ODAD2: variants seen among roughly 807,000 people sequenced by gnomAD.
ODAD2 encodes the protein outer dynein arm docking complex subunit 2.
In ODAD2, 89 loss-of-function variants were observed where a neutral mutation model predicts 106.8. The ratio of observed to expected loss-of-function variants is 0.83; its 90% CI spans 0.70 to 0.99. The LOEUF is 0.99. Among genes scored for constraint, ODAD2 ranks in the 50% least tolerant of loss-of-function variants. The pLI is 0.00. For missense variants in ODAD2, 1,168 were observed against 1,238.5 expected, an observed-to-expected ratio of 0.94 and a Z score of 0.85; for synonymous variants, 404 against 436.2, an observed-to-expected ratio of 0.93 and a Z score of 0.92.
At position 27,997,052 on chromosome 10, in the gene ODAD2, T is replaced by C. The variant is rs145516767; in HGVS notation, c.-38-1872A>G. Among the ~76,000 whole-genome samples, 322 of 152,324 alleles carry C rather than the reference T, an allele frequency of 2.1e-3. 2 individuals are homozygous for C. Among genetic ancestry groups the C allele is most frequent in the African/African-American group, 7.4e-3 (309 of 41,584 alleles). ...AAGCAGCCTTACAACATATATGCTA[T>C]AAAAACCAAGTACTGGATCAGATAG... On this transcript the variant is annotated intron_variant, in intron 1 of 19. Transcript: ENST00000305242.
At chr10:27,823,541 C>T (rs1259869383) in intron 19 of ODAD2, among the ~76,000 whole-genome samples, 2 of 152,044 alleles carry the variant, frequency 1.3e-5, no homozygotes, top group Non-Finnish European at 2.9e-5. Flanking sequence ...TAGTACTTTC[C>T]TAATAAGATA....
At chr10:27,816,992 C>T (rs1405897512) in intron 19 of ODAD2, among the ~76,000 whole-genome samples, 2 of 152,140 alleles carry the variant, frequency 1.3e-5, no homozygotes, top group Non-Finnish European at 2.9e-5. Flanking sequence ...TCAGGTGATC[C>T]ACCCGTCTCG....
At chr10:27,859,773 T>G (rs537638046) in intron 19 of ODAD2, among the ~76,000 whole-genome samples, 1 of 152,346 alleles carries the variant, frequency 6.6e-6, no homozygotes, top group East Asian at 1.9e-4. Flanking sequence ...CTAGTTGGTT[T>G]GCAATGTGTA....
At chr10:27,921,435 A>G (rs1844770351) in intron 16 of ODAD2, among the ~76,000 whole-genome samples, 1 of 152,074 alleles carries the variant, frequency 6.6e-6, no homozygotes, top group South Asian at 2.1e-4. Flanking sequence ...GACTTTTAGT[A>G]TGTTTTGAAT....
At chr10:27,995,243 T>A in intron 1 of ODAD2, 63 bp from the exon 2 acceptor site, 1 of 1,483,158 alleles carries the variant, frequency 6.7e-7, no homozygotes, top group Non-Finnish European at 9.0e-7. Flanking sequence ...ACATTTTTCA[T>A]TCTCAAGACT....
intron 19 of ODAD2, among the ~76,000 whole-genome samples, chr10:27,857,161 C>T (rs915284890): frequency 1.3e-5 from 2 of 152,108 alleles, no homozygotes; most frequent in Non-Finnish European, 2.9e-5. Context: ...TCAACTTCTT[C>T]CTCCTCCTCT....
chr10:27,876,618 C>T (rs955440524), intron 17 of ODAD2, among the ~76,000 whole-genome samples: 2 of 152,210 alleles, frequency 1.3e-5, no homozygotes, highest in Admixed American at 6.5e-5. Flanking sequence ...TTGCTTAGGG[C>T]CCAATTATGG....
intron 1 of ODAD2, among the ~76,000 whole-genome samples, chr10:27,998,689 G>A (rs1430568317): frequency 6.6e-6 from 1 of 152,258 alleles, no homozygotes; most frequent in South Asian, 2.1e-4. Context: ...AGGGAAAGGG[G>A]AGCAGGCGAG....
At position 27,935,117 on chromosome 10, in the gene ODAD2, A is replaced by G. The variant is rs1243588202; in HGVS notation, c.2388T>C (p.Cys796=). Reference sequence around the variant, plus strand: ...GGTTCACAAGTGGTTGAATGCCACCACATTTCCGGACAATGACTCGGTTTT... The same window carrying G: ...GGTTCACAAGTGGTTGAATGCCACCGCATTTCCGGACAATGACTCGGTTTT... The part of the protein sequence containing the change: ...ERENRVIVRK[C]GGIQPLVNLL... Residue 796 remains cysteine, a synonymous_variant, in exon 16 of 20, where the codon TGT becomes TGC. Coordinates refer to ENST00000305242, the MANE Select transcript of ODAD2 (RefSeq NM_018076.5). 6.2e-7 allele frequency: 1 copy of G among 1,613,906 alleles called. No individual in the cohort carries two copies. The highest frequency in any genetic ancestry group is 8.5e-7 in the Non-Finnish European group (1 of 1,179,926).
At chr10:27,812,729 A>G in intron 19 of ODAD2, 104 bp from the exon 20 acceptor site, 3 of 1,401,994 alleles carry the variant, frequency 2.1e-6, no homozygotes, top group Non-Finnish European at 2.8e-6. Context: ...AATTTTTTTA[A>G]AACCACCAAA....
chr10:27,962,725 G>A (rs550826768), intron 9 of ODAD2, among the ~76,000 whole-genome samples: 4 of 152,196 alleles, frequency 2.6e-5, no homozygotes, highest in African/African-American at 7.2e-5. Context: ...TCCCTGCAGA[G>A]GTCCCTCATG....
intron 10 of ODAD2, among the ~76,000 whole-genome samples, chr10:27,952,529 A>G (rs1192877240): frequency 1.3e-5 from 2 of 151,874 alleles, no homozygotes; most frequent in African/African-American, 4.8e-5. Context: ...TGCACTGGCT[A>G]TTTGTCCTAA....
At chr10:27,832,140 TG>T (rs1742181654) in intron 19 of ODAD2, among the ~76,000 whole-genome samples, 1 of 152,258 alleles carries the variant, frequency 6.6e-6, no homozygotes, top group African/African-American at 2.4e-5. Flanking sequence ...CAGCAACGAA[TG>T]AGGCTGAGAA....
At position 27,857,543 on chromosome 10, in the gene ODAD2, C is replaced by A. The variant is rs554198676; in HGVS notation, c.3021+3082G>T. ...CCTTTTATCTTTTCTTAAAGTGTGA[C>A]TGCTAGAAAATTTAATATTACATAC... is the stretch of plus-strand genomic sequence containing the variant. On this transcript the variant is annotated intron_variant, in intron 19 of 19. Transcript: ENST00000305242. 2.2e-4 allele frequency among the ~76,000 whole-genome samples: 33 copies of A among 152,292 alleles called. No homozygotes were observed. In the Middle Eastern group the frequency reaches 0.017, roughly 78 times the overall value.
chr10:27,817,381 G>A (rs750800986), intron 19 of ODAD2, among the ~76,000 whole-genome samples: 1 of 152,168 alleles, frequency 6.6e-6, no homozygotes, highest in Non-Finnish European at 1.5e-5. Flanking sequence ...GAGGGTACAA[G>A]TGCAAATTTC....
intron 16 of ODAD2, among the ~76,000 whole-genome samples, chr10:27,920,435 A>G (rs1309447957): frequency 1.3e-5 from 2 of 152,206 alleles, no homozygotes; most frequent in Non-Finnish European, 2.9e-5. Flanking sequence ...CGTGCATATC[A>G]CAACTGGCTG....
intron 10 of ODAD2, among the ~76,000 whole-genome samples, chr10:27,949,771 T>C (rs1166000389): frequency 6.6e-6 from 1 of 152,134 alleles, no homozygotes; most frequent in African/African-American, 2.4e-5. Flanking sequence ...CAAGCGTGGA[T>C]GGATGCAGTC....
At chr10:27,870,621 T>TG (rs1327304798) in intron 17 of ODAD2, among the ~76,000 whole-genome samples, 3 of 152,160 alleles carry the variant, frequency 2.0e-5, no homozygotes, top group Admixed American at 2.0e-4. Context: ...TTTTTGTCCT[T>TG]GCGATAGTTT....
At position 27,905,087 on chromosome 10, in the gene ODAD2, G is replaced by A. The variant is rs1024606743; in HGVS notation, c.2610+2576C>T. The A allele has an allele frequency of 7.3e-4, 152 of 207,624 alleles. 2 individuals carry two copies. The highest frequency in any genetic ancestry group is 4.7e-4 in the East Asian group (4 of 8,594). 12.9% of individuals were successfully genotyped at this position (207,624 alleles called of 1,614,324 possible). On this transcript the variant is annotated intron_variant, in intron 17 of 19. Transcript: ENST00000305242. ...CTGAGCCCAGCTGCAGATCTAAGAC[G>A]ATGCTGGATATGAGGACATGCAAGC...
Sources: gnomAD v4.1 joint callset for allele counts (sites outside exome capture counted in the v4.1 genomes callset) on GRCh38, gnomAD v4.1.1 for gene constraint, MANE v1.5 for transcripts, NCBI Gene and HGNC (gene_info 2026-07-23, HGNC 2026-07-21) for gene names.